Variants in ANO3 observed in about 807,000 individuals in gnomAD.
The protein encoded by ANO3 is anoctamin-3.
A neutral mutation model predicts 144.8 loss-of-function variants in ANO3; 99 were observed. The ratio of observed to expected loss-of-function variants is 0.68; its 90% CI spans 0.58 to 0.81. The LOEUF (loss-of-function observed/expected upper bound fraction) is 0.81. ANO3 is among the 30% of genes least tolerant of loss of function. The probability of loss-of-function intolerance (pLI) is 0.00; values close to 1 mark genes in which losing one functional copy is unlikely to be tolerated. For synonymous variants in ANO3, 414 were observed against 392.6 expected, an observed-to-expected ratio of 1.05 and a Z score of -0.64; for missense variants, 905 against 1,202.2, an observed-to-expected ratio of 0.75 and a Z score of 3.66.
intron 1 of ANO3, among the ~76,000 whole-genome samples, chr11:26,334,747 C>A (rs970332559): frequency 6.6e-6 from 1 of 152,096 alleles, no homozygotes; most frequent in African/African-American, 2.4e-5. Flanking sequence ...TTTACTTTTA[C>A]GAATTAATTT....
rs145663477 is a variant in ANO3, at chr11:26,541,850, A to G, written c.1033-97A>G. On this transcript the variant is annotated intron_variant, in intron 10 of 26. Transcript: ENST00000256737. ...TTTATCATTTTTGAAGCTTTCAATA[A>G]GTTGTTAAATTATTCTGCAAGGGAA... 7.0e-4 allele frequency: 812 copies of G among 1,165,896 alleles called. 13 individuals are homozygous for G. The East Asian group carries it at 0.02, about 28-fold the overall frequency. The allele number at this position is 1,165,896 out of a possible 1,614,324, so 72.2% of individuals were successfully genotyped here.
chr11:26,633,137 T>C (rs1036205298), intron 18 of ANO3, among the ~76,000 whole-genome samples: 2 of 152,228 alleles, frequency 1.3e-5, no homozygotes, highest in African/African-American at 4.8e-5. Flanking sequence ...ATCCTATCTA[T>C]TTTCCATCTT....
At chr11:26,460,103 A>C (rs1356992787) in intron 3 of ANO3, 2 of 454,548 alleles carry the variant, frequency 4.4e-6, no homozygotes, top group Non-Finnish European at 8.8e-6. Flanking sequence ...ACCATATCCA[A>C]GTCATAGCAA....
chr11:26,223,835 C>G (rs66965677), intron 1 of ANO3, among the ~76,000 whole-genome samples: 45,662 of 151,340 alleles, frequency 0.3, 7,576 homozygotes, highest in Non-Finnish European at 0.37. Flanking sequence ...TTTTAAACAA[C>G]CGGATCTCAA....
At chr11:26,431,532 T>A (rs918807222) in intron 1 of ANO3, among the ~76,000 whole-genome samples, 12 of 152,182 alleles carry the variant, frequency 7.9e-5, no homozygotes, top group Admixed American at 1.3e-4. Flanking sequence ...ACCCAATAGT[T>A]ATTTTTGTTT....
intron 1 of ANO3, among the ~76,000 whole-genome samples, chr11:26,202,533 C>T (rs530558375): frequency 3.3e-5 from 5 of 150,726 alleles, no homozygotes; most frequent in South Asian, 2.1e-4. Flanking sequence ...AAACACAGGG[C>T]GGGTAATTAA....
At chr11:26,275,692 G>A (rs1038603744) in intron 1 of ANO3, among the ~76,000 whole-genome samples, 1 of 152,092 alleles carries the variant, frequency 6.6e-6, no homozygotes, top group Non-Finnish European at 1.5e-5. Context: ...AGGACATAGG[G>A]TGAATGTTCT....
At chr11:26,507,126 C>T (rs956633798) in intron 4 of ANO3, among the ~76,000 whole-genome samples, 1 of 152,152 alleles carries the variant, frequency 6.6e-6, no homozygotes, top group Non-Finnish European at 1.5e-5. Flanking sequence ...AGTCCTGGCT[C>T]CTCATTGATC....
At chr11:26,470,904 A>C (rs1156846106) in intron 4 of ANO3, among the ~76,000 whole-genome samples, 1 of 151,960 alleles carries the variant, frequency 6.6e-6, no homozygotes, top group African/African-American at 2.4e-5. Flanking sequence ...TTGTTTTCCA[A>C]ACAGTTTTTC....
intron 20 of ANO3, 145 bp downstream of exon 20, chr11:26,635,215 A>G (rs1852915153): frequency 3.2e-6 from 2 of 615,792 alleles, no homozygotes; most frequent in Middle Eastern, 4.2e-4. Flanking sequence ...AAGCAACTAC[A>G]TCTTTTCAAA....
Position 26,660,459 on chromosome 11 carries a change from C to G in ANO3, c.*15C>G. 1 of 1,585,254 alleles carries G rather than the reference C, an allele frequency of 6.3e-7. No homozygotes were observed. Among genetic ancestry groups the G allele is most frequent in the Non-Finnish European group, 8.6e-7 (1 of 1,168,238 alleles). On this transcript the variant is annotated 3_prime_UTR_variant, in exon 27 of 27. Transcript: ENST00000256737. ...AATGGCCTTAGTTGACACCTGTTAC[C>G]CATTAGGGGTGATAACATTAATGGG... is the stretch of plus-strand genomic sequence containing the variant.
intron 17 of ANO3, among the ~76,000 whole-genome samples, chr11:26,615,700 A>G (rs1852239574): frequency 1.3e-5 from 2 of 152,054 alleles, no homozygotes; most frequent in South Asian, 4.1e-4. Flanking sequence ...CCTTTTTAAG[A>G]CTACCTATAC....
intron 1 of ANO3, among the ~76,000 whole-genome samples, chr11:26,262,487 T>C (rs1249576422): frequency 2.6e-5 from 4 of 152,158 alleles, no homozygotes; most frequent in Non-Finnish European, 5.9e-5. Context: ...AAGCTTATAC[T>C]GTGGGATGAC....
intron 1 of ANO3, among the ~76,000 whole-genome samples, chr11:26,230,667 C>G (rs893749860): frequency 6.6e-6 from 1 of 151,234 alleles, no homozygotes; most frequent in Non-Finnish European, 1.5e-5. Context: ...CATGGCGGCT[C>G]ACACCTGTGA....
At position 26,433,485 on chromosome 11, in the gene ANO3, G is replaced by T. The variant is rs113589061; in HGVS notation, c.47-8433G>T. ...TTGCCTTGTGCTTGTTTTCAAGGGG[G>T]AATACTTTCAGCTTTTGCCAATTCA... is the stretch of plus-strand genomic sequence containing the variant. On this transcript the variant is annotated intron_variant, in intron 1 of 26. Coordinates refer to ENST00000256737, the MANE Select transcript of ANO3 (RefSeq NM_031418.4). Among the ~76,000 whole-genome samples the T allele has an allele frequency of 8.7e-3, 1,317 of 152,172 alleles. 20 individuals are homozygous for T. The highest frequency in any genetic ancestry group is 0.03 in the African/African-American group (1,259 of 41,516).
At chr11:26,357,349 G>A (rs1855808366) in intron 1 of ANO3, among the ~76,000 whole-genome samples, 1 of 152,242 alleles carries the variant, frequency 6.6e-6, no homozygotes, top group Admixed American at 6.5e-5. Context: ...CAGTAAATAT[G>A]AGACTTCTAG....
intron 17 of ANO3, among the ~76,000 whole-genome samples, chr11:26,613,611 G>A (rs1237096366): frequency 6.6e-6 from 1 of 152,000 alleles, no homozygotes; most frequent in Non-Finnish European, 1.5e-5. Context: ...GTGTAAATTT[G>A]TTCTTTCTGG....
At chr11:26,363,669 A>G (rs1160559940) in intron 1 of ANO3, among the ~76,000 whole-genome samples, 1 of 152,172 alleles carries the variant, frequency 6.6e-6, no homozygotes, top group Non-Finnish European at 1.5e-5. Flanking sequence ...AGTCAATAAC[A>G]GAGTCCACGC....
At position 26,375,071 on chromosome 11, in the gene ANO3, C is replaced by T. The variant is rs558396797; in HGVS notation, c.46+42750C>T. Among the ~76,000 whole-genome samples, 25 of 152,280 alleles carry T rather than the reference C, an allele frequency of 1.6e-4. No homozygotes were observed. The South Asian group carries it at 3.9e-3, about 24-fold the overall frequency. On this transcript the variant is annotated intron_variant, in intron 1 of 26. Coordinates refer to ENST00000256737, the MANE Select transcript of ANO3 (RefSeq NM_031418.4). ...GTGCACTTTATTTCTATTATTATTACATACTCATCATAATGTAGAATCAGT... is the reference window on the plus strand; with the variant it reads ...GTGCACTTTATTTCTATTATTATTATATACTCATCATAATGTAGAATCAGT...
Sources: allele counts gnomAD v4.1 joint callset (sites outside exome capture counted in the v4.1 genomes callset), GRCh38; gene constraint gnomAD v4.1.1; transcripts MANE v1.5; gene names NCBI Gene and HGNC (gene_info 2026-07-23, HGNC 2026-07-21).